The following MEI4 variants were observed in gnomAD, a reference collection of about 807,000 sequenced individuals.
MEI4 encodes meiosis-specific protein MEI4.
Under a neutral mutation model 31.4 loss-of-function variants are expected in MEI4, and 27 were observed. The observed-to-expected ratio is 0.86, with a 90% confidence interval of 0.63 to 1.19. The LOEUF is 1.19. Ranked by LOEUF, MEI4 falls within the 50% of genes most tolerant of loss-of-function variation. The pLI is 0.00. For synonymous variants in MEI4, 122 were observed against 145.4 expected (o/e 0.84, Z 1.16); for missense variants, 329 against 398.9 (o/e 0.82, Z 1.49).
At chr6:77,889,652 A>G (rs963438772) in intron 4 of MEI4, among the ~76,000 whole-genome samples, 8 of 152,338 alleles carry the variant, frequency 5.3e-5, no homozygotes, top group Admixed American at 2.6e-4. Context: ...CCAGATGCTA[A>G]TTGCCAAGAC....
chr6:77,827,353 T>C (rs1215824562), intron 3 of MEI4, among the ~76,000 whole-genome samples: 3 of 92,918 alleles, frequency 3.2e-5, no homozygotes, highest in East Asian at 3.4e-4. Flanking sequence ...AGAGGGAGAC[T>C]CCATCTTAAA....
At chr6:77,839,538 A>G (rs1354796124) in intron 4 of MEI4, among the ~76,000 whole-genome samples, 2 of 152,188 alleles carry the variant, frequency 1.3e-5, no homozygotes, top group African/African-American at 2.4e-5. Flanking sequence ...AGAGGCTTTG[A>G]TAACAGAATT....
rs58421631 is a variant in MEI4, at chr6:77,818,466, T to C, written c.769-10465T>C. On this transcript the variant is annotated intron_variant, in intron 3 of 4. Transcript: ENST00000684080. ...CACCAGTAGAAGTCTAAAATTAAAT[T>C]GAATTGATTTTCACAATCTTGCTTC... Among the ~76,000 whole-genome samples the C allele has an allele frequency of 9.1e-3, 1,391 of 152,292 alleles. 17 individuals carry two copies. The highest frequency in any genetic ancestry group is 0.031 in the African/African-American group (1,288 of 41,572).
In MEI4 at chr6:77,700,990, G is replaced by C. The variant is rs9448175; in HGVS notation, c.232+10087G>C. ...AAGGAAGGAAGGAAGAAAAAGAAGTGTACATACCCAGTGACACATTTCTCA... is the reference window on the plus strand; with the variant it reads ...AAGGAAGGAAGGAAGAAAAAGAAGTCTACATACCCAGTGACACATTTCTCA... On this transcript the variant is annotated intron_variant, in intron 2 of 4. Coordinates refer to ENST00000684080, the MANE Select transcript of MEI4 (RefSeq NM_001322247.2). Among the ~76,000 whole-genome samples, 1,059 of 152,284 alleles carry C rather than the reference G, an allele frequency of 7.0e-3. 13 individuals are homozygous for C. Among genetic ancestry groups the C allele is most frequent in the African/African-American group, 0.024 (999 of 41,548 alleles).
chr6:77,694,508 A>AC (rs1287498851), intron 2 of MEI4, among the ~76,000 whole-genome samples: 2 of 151,378 alleles, frequency 1.3e-5, no homozygotes, highest in African/African-American at 4.9e-5. Context: ...TGAGAACATA[A>AC]GGTGTTTGGT....
chr6:77,819,809 A>C (rs957166855), intron 3 of MEI4, among the ~76,000 whole-genome samples: 1 of 152,152 alleles, frequency 6.6e-6, no homozygotes, highest in Non-Finnish European at 1.5e-5. Flanking sequence ...GAACCTAAAG[A>C]ATTCCTTCTA....
chr6:77,911,720 T>C (rs967474628), intron 4 of MEI4, among the ~76,000 whole-genome samples: 1 of 147,856 alleles, frequency 6.8e-6, no homozygotes, highest in Non-Finnish European at 1.5e-5. Context: ...ACATATATTT[T>C]ATTTATATAT....
intron 4 of MEI4, among the ~76,000 whole-genome samples, chr6:77,891,583 A>G (rs965355228): frequency 6.6e-6 from 1 of 151,394 alleles, no homozygotes; most frequent in African/African-American, 2.4e-5. Flanking sequence ...TTTCTTCAAT[A>G]TTATTATTTT....
At chr6:77,759,118 T>C (rs1291202210) in intron 2 of MEI4, among the ~76,000 whole-genome samples, 1 of 152,220 alleles carries the variant, frequency 6.6e-6, no homozygotes, top group East Asian at 1.9e-4. Context: ...ACAGACATTT[T>C]TTCAACCTAT....
intron 4 of MEI4, among the ~76,000 whole-genome samples, chr6:77,887,543 C>A (rs566456541): frequency 2.0e-5 from 3 of 152,130 alleles, no homozygotes; most frequent in African/African-American, 7.2e-5. Flanking sequence ...ATGATCCACC[C>A]CCCTCAGCCT....
At chr6:77,777,856 A>C (rs1170260908) in intron 3 of MEI4, among the ~76,000 whole-genome samples, 3 of 152,164 alleles carry the variant, frequency 2.0e-5, no homozygotes, top group Non-Finnish European at 4.4e-5. Flanking sequence ...AAAGAAAATG[A>C]TGTTTTAAAA....
chr6:77,751,082 A>C (rs1023360625), intron 2 of MEI4, among the ~76,000 whole-genome samples: 2 of 152,196 alleles, frequency 1.3e-5, no homozygotes, highest in Non-Finnish European at 2.9e-5. Context: ...GAACAAAGAC[A>C]AAATGTGCCA....
At chr6:77,747,423 C>T (rs1045724923) in intron 2 of MEI4, among the ~76,000 whole-genome samples, 23 of 152,214 alleles carry the variant, frequency 1.5e-4, no homozygotes, top group East Asian at 5.8e-4. Context: ...CCTCAGGAAA[C>T]GCACAGTCAT....
chr6:77,810,319 C>G (rs949892451), intron 3 of MEI4, among the ~76,000 whole-genome samples: 12 of 152,088 alleles, frequency 7.9e-5, no homozygotes, highest in South Asian at 2.1e-4. Context: ...GTTGGGGATT[C>G]TGTAAGATTA....
intron 4 of MEI4, among the ~76,000 whole-genome samples, chr6:77,909,543 C>G (rs1482169271): frequency 6.6e-6 from 1 of 152,064 alleles, no homozygotes; most frequent in Non-Finnish European, 1.5e-5. Context: ...CAGTAACAGG[C>G]TCTGAAATTG....
chr6:77,745,598 C>T (rs1245805687), intron 2 of MEI4, among the ~76,000 whole-genome samples: 2 of 152,122 alleles, frequency 1.3e-5, no homozygotes, highest in Non-Finnish European at 2.9e-5. Flanking sequence ...AGGAATTGAA[C>T]TCAGCTCTGC....
chr6:77,663,488 A>T (rs2127643019), intron 1 of MEI4, among the ~76,000 whole-genome samples: 1 of 152,294 alleles, frequency 6.6e-6, no homozygotes, highest in South Asian at 2.1e-4. Flanking sequence ...GTCCAGGAAT[A>T]GTCAGGGAAG....
intron 3 of MEI4, among the ~76,000 whole-genome samples, chr6:77,803,970 G>C (rs767435121): frequency 4.6e-5 from 7 of 152,164 alleles, no homozygotes; most frequent in Non-Finnish European, 1.5e-5. Context: ...CCAGTTGCGT[G>C]CTGGGAGAAC....
chr6:77,895,007 A>G (rs1766051983), intron 4 of MEI4, among the ~76,000 whole-genome samples: 3 of 152,136 alleles, frequency 2.0e-5, no homozygotes, highest in Admixed American at 1.3e-4. Flanking sequence ...ACAGATCTCT[A>G]CTTTTCAATA....
Sources: gnomAD v4.1 joint callset for allele counts (sites outside exome capture counted in the v4.1 genomes callset) on GRCh38, gnomAD v4.1.1 for gene constraint, MANE v1.5 for transcripts, NCBI Gene and HGNC (gene_info 2026-07-23, HGNC 2026-07-21) for gene names.